The following POFUT2 variants were observed in gnomAD, a reference collection of about 807,000 sequenced individuals.
The protein encoded by POFUT2 is GDP-fucose protein O-fucosyltransferase 2.
A neutral mutation model predicts 55.0 loss-of-function variants in POFUT2; 30 were observed. That is an observed-to-expected ratio of 0.55 (90% CI 0.41 to 0.74). The LOEUF (loss-of-function observed/expected upper bound fraction) is 0.74. Among genes scored for constraint, POFUT2 ranks in the 30% least tolerant of loss-of-function variants. The probability of loss-of-function intolerance (pLI) is 0.00; values close to 1 mark genes in which losing one functional copy is unlikely to be tolerated. For missense variants in POFUT2, 524 were observed against 562.6 expected, an observed-to-expected ratio of 0.93 and a Z score of 0.69; for synonymous variants, 267 against 231.1, an observed-to-expected ratio of 1.16 and a Z score of -1.41.
At chr21:45,269,781 T>C in intron 7 of POFUT2, 58 bp downstream of exon 7, 1 of 1,499,318 alleles carries the variant, frequency 6.7e-7, no homozygotes, top group Non-Finnish European at 9.1e-7. Context: ...CCAAGAATTA[T>C]CAATAAAAAA....
intron 4 of POFUT2, among the ~76,000 whole-genome samples, chr21:45,279,637 G>A (rs2030351060): frequency 6.6e-6 from 1 of 152,176 alleles, no homozygotes; most frequent in African/African-American, 2.4e-5. Flanking sequence ...CACGGCCACT[G>A]CGGGGACTCT....
chr21:45,284,307 G>T lies in POFUT2; in HGVS notation c.383-780C>A, dbSNP rs1376363078. On this transcript the variant is annotated intron_variant, in intron 2 of 8. Coordinates refer to ENST00000349485, the MANE Select transcript of POFUT2 (RefSeq NM_133635.6). The surrounding 1 kb of genome is among the most constrained non-coding windows in gnomAD (Gnocchi z 5.8). ...TCCTTTTTGCTCACTCATGACTGGG[G>T]GCTAAGGGCTGCGTGGCCTAAGGGC... Among the ~76,000 whole-genome samples, 1 of 152,208 alleles carries T rather than the reference G, an allele frequency of 6.6e-6. No individual in the cohort carries two copies. The highest frequency in any genetic ancestry group is 1.5e-5 in the Non-Finnish European group (1 of 68,038).
chr21:45,266,749 G>A, intron 8 of POFUT2: 1 of 997,744 alleles, frequency 1.0e-6, no homozygotes, highest in South Asian at 4.4e-5. Flanking sequence ...TGTGTGAAGA[G>A]GCACCGGCTC....
chr21:45,266,999 G>A, intron 8 of POFUT2: 1 of 1,046,480 alleles, frequency 9.6e-7, no homozygotes, highest in South Asian at 3.2e-5. Context: ...TGCACGCAGG[G>A]CCCACGCTCC....
rs930607521 is a variant in POFUT2, at chr21:45,265,253, A to T, written c.*229T>A. The T allele has an allele frequency of 1.7e-5, 7 of 403,372 alleles. No homozygotes were observed. Among genetic ancestry groups the T allele is most frequent in the Admixed American group, 4.2e-5 (1 of 23,728 alleles). 25.0% of individuals were successfully genotyped at this position (403,372 alleles called of 1,614,324 possible). ...GGGTTCACAGACGCTGCCTGAAAAC[A>T]ACCGCCACCCCCGAGAGCAGCGGAG... On this transcript the variant is annotated 3_prime_UTR_variant, in exon 9 of 9. Coordinates refer to ENST00000349485, the MANE Select transcript of POFUT2 (RefSeq NM_133635.6). This position sits in a 1 kb window ranked among gnomAD's most constrained non-coding sequence, Gnocchi z 4.6.
Position 45,283,516 on chromosome 21 carries a change from G to T in POFUT2, c.394C>A (p.Pro132Thr), listed in dbSNP as rs762674365. 5 of 1,613,456 alleles carry T rather than the reference G, an allele frequency of 3.1e-6. No individual in the cohort carries two copies. The Admixed American group carries it at 5.0e-5, about 16-fold the overall frequency. ...AGGACGTAAACCTGGTCAATAAAGG[G>T]CCCACCAGATTCTGAAAGACACCAA... The part of the protein sequence containing the change: ...YEQFIAESGG[P>T]FIDQVYVLQS... The change falls in exon 3 of 9, where the codon CCC (proline) becomes ACC (threonine). Residue 132 changes from proline to threonine, a missense_variant. Physicochemically the swap from Pro to Thr is conservative, Grantham distance 38. Coordinates refer to ENST00000349485, the MANE Select transcript of POFUT2 (RefSeq NM_133635.6).
chr21:45,265,218 A>C lies in POFUT2; in HGVS notation c.*264T>G, dbSNP rs542432355. 1.1e-5 allele frequency: 4 copies of C among 363,114 alleles called. No homozygotes were observed. The highest frequency in any genetic ancestry group is 2.1e-5 in the African/African-American group (1 of 47,826). The allele number at this position is 363,114 out of a possible 1,614,324, so 22.5% of individuals were successfully genotyped here. ...GGTCACCACGCGGGCACTGCTGGCA[A>C]CCGAGCTGTGGGTTCACAGACGCTG... On this transcript the variant is annotated 3_prime_UTR_variant, in exon 9 of 9. Transcript: ENST00000349485. The surrounding 1 kb of genome is among the most constrained non-coding windows in gnomAD (Gnocchi z 4.6).
intron 4 of POFUT2, 128 bp from the exon 5 acceptor site, chr21:45,278,297 C>T: frequency 1.2e-6 from 1 of 808,544 alleles, no homozygotes; most frequent in Non-Finnish European, 2.1e-6. Flanking sequence ...GGGACACTAA[C>T]CAGGGCGCGT....
rs554652191 is a variant in POFUT2, at chr21:45,277,928, A to G, written c.705+175T>C. On this transcript the variant is annotated intron_variant, in intron 5 of 8. Transcript: ENST00000349485. The surrounding 1 kb of genome is among the most constrained non-coding windows in gnomAD (Gnocchi z 6.9). ...CGGGCTCCCGAGGACCTGGCTCTGC[A>G]GCCACGTGAGGCTTGGGGGTGGCAC... 1.3e-5 allele frequency among the ~76,000 whole-genome samples: 2 copies of G among 152,320 alleles called. No homozygotes were observed. Among genetic ancestry groups the G allele is most frequent in the South Asian group, 2.1e-4 (1 of 4,826 alleles).
rs1008227087 is a variant in POFUT2, at chr21:45,267,990, C to CTCTCCCTCTCCCCACGG, written c.1013-294_1013-278dup. Among the ~76,000 whole-genome samples, 1 of 151,900 alleles carries CTCTCCCTCTCCCCACGG rather than the reference C, an allele frequency of 6.6e-6. No homozygotes were observed. Among genetic ancestry groups the CTCTCCCTCTCCCCACGG allele is most frequent in the East Asian group, 1.9e-4 (1 of 5,186 alleles). On this transcript the variant is annotated intron_variant, in intron 7 of 8. Coordinates refer to ENST00000349485, the MANE Select transcript of POFUT2 (RefSeq NM_133635.6). The surrounding 1 kb of genome is among the most constrained non-coding windows in gnomAD (Gnocchi z 4.4). The stretch of plus-strand genomic sequence containing the variant: ...GTGCTCCCTCTCCCTCTCCTTCTCC[C>CTCTCCCTCTCCCCACGG]TCTCCCTCTCCCCACGGTCTCCCTC...
At position 45,282,755 on chromosome 21, in the gene POFUT2, C is replaced by A; in HGVS notation, c.528-296G>T. 1.9e-6 allele frequency: 1 copy of A among 531,620 alleles called. No homozygotes were observed. Among genetic ancestry groups the A allele is most frequent in the Non-Finnish European group, 3.7e-6 (1 of 270,312 alleles). 32.9% of individuals were successfully genotyped at this position (531,620 alleles called of 1,614,324 possible). A position where few individuals can be genotyped will look rare whatever the true frequency, so the allele number is the denominator to read the frequency against. The stretch of plus-strand genomic sequence containing the variant: ...AGCCCTGTGCACCTTCAGGGCCAGC[C>A]TGGCTGTGACCGTCAGCCAAGTCAA... On this transcript the variant is annotated intron_variant, in intron 3 of 8. Coordinates refer to ENST00000349485, the MANE Select transcript of POFUT2 (RefSeq NM_133635.6). The surrounding 1 kb of genome is among the most constrained non-coding windows in gnomAD (Gnocchi z 4.6).
At chr21:45,273,321 G>A (rs1443711726) in intron 6 of POFUT2, among the ~76,000 whole-genome samples, 1 of 152,150 alleles carries the variant, frequency 6.6e-6, no homozygotes, top group Non-Finnish European at 1.5e-5. Context: ...AACCCTTCTA[G>A]ATATAGACCA....
In POFUT2 at chr21:45,264,685, A is replaced by AG; in HGVS notation, c.*796dup. 1.4e-4 allele frequency: 1 copy of AG among 7,386 alleles called. No homozygotes were observed. The highest frequency in any genetic ancestry group is 3.9e-3 in the South Asian group (1 of 258). The allele number at this position is 7,386 out of a possible 1,614,324, so 0.5% of individuals were successfully genotyped here. A position where few individuals can be genotyped will look rare whatever the true frequency, so the allele number is the denominator to read the frequency against. ...GGGCGAGGGCGGGGCAGTCGGGGTG[A>AG]GGGTGGGGCGGGGCAGTCGGGGCGA... On this transcript the variant is annotated 3_prime_UTR_variant, in exon 9 of 9. Transcript: ENST00000349485.
chr21:45,265,274 C>G lies in POFUT2; in HGVS notation c.*208G>C. The G allele has an allele frequency of 7.0e-6, 3 of 428,172 alleles. No individual in the cohort carries two copies. Among genetic ancestry groups the G allele is most frequent in the Non-Finnish European group, 1.2e-5 (3 of 243,280 alleles). The allele number at this position is 428,172 out of a possible 1,614,324, so 26.5% of individuals were successfully genotyped here. A position where few individuals can be genotyped will look rare whatever the true frequency, so the allele number is the denominator to read the frequency against. Reference sequence around the variant, plus strand: ...AAACAACCGCCACCCCCGAGAGCAGCGGAGCCTCTTCATCAGCCATGGCGG... The same window carrying G: ...AAACAACCGCCACCCCCGAGAGCAGGGGAGCCTCTTCATCAGCCATGGCGG... On this transcript the variant is annotated 3_prime_UTR_variant, in exon 9 of 9. Coordinates refer to ENST00000349485, the MANE Select transcript of POFUT2 (RefSeq NM_133635.6). This position sits in a 1 kb window ranked among gnomAD's most constrained non-coding sequence, Gnocchi z 4.6.
chr21:45,283,438 C>T lies in POFUT2; in HGVS notation c.472G>A (p.Glu158Lys), dbSNP rs201092483. Residue 158 changes from glutamate to lysine, a missense_variant, in exon 3 of 9, where the codon GAG becomes AAG. Glu to Lys is a moderately conservative substitution (Grantham distance 56). Transcript: ENST00000349485. ...AGGAGCTGATCAATACACGGCCGCT[C>T]GTCCACCTTCTCTTCCCAGGTCCCT... ...KEGTWEEKVD[E>K]RPCIDQLLYS... is the part of the protein sequence containing the mutation. 12 of 1,613,524 alleles carry T rather than the reference C, an allele frequency of 7.4e-6. No homozygotes were observed. The highest frequency in any genetic ancestry group is 5.0e-5 in the Admixed American group (3 of 59,984).
rs549787198 is a variant in POFUT2, at chr21:45,266,817, C to T, written c.1136+773G>A. On this transcript the variant is annotated intron_variant, in intron 8 of 8. Transcript: ENST00000349485. ...ACAGACTAACCCACAGAGACGCACG[C>T]GTGTGCACAGTGCTAACCACGGGGA... is the stretch of plus-strand genomic sequence containing the variant. 9.0e-6 allele frequency: 9 copies of T among 1,004,492 alleles called. No homozygotes were observed. In the South Asian group the frequency reaches 1.3e-4, roughly 14 times the overall value. The allele number at this position is 1,004,492 out of a possible 1,614,324, so 62.2% of individuals were successfully genotyped here.
rs775664336 is a variant in POFUT2, at chr21:45,282,782, C to T, written c.528-323G>A. ...GGCTGTGACCGTCAGCCAAGTCAAC[C>T]GCGCCCTTCCCAAGAGCTCACCTGC... On this transcript the variant is annotated intron_variant, in intron 3 of 8. Coordinates refer to ENST00000349485, the MANE Select transcript of POFUT2 (RefSeq NM_133635.6). The surrounding 1 kb of genome is among the most constrained non-coding windows in gnomAD (Gnocchi z 4.6). 10 of 508,000 alleles carry T rather than the reference C, an allele frequency of 2.0e-5. No homozygotes were observed. The highest frequency in any genetic ancestry group is 1.2e-4 in the East Asian group (2 of 17,322). 31.5% of individuals were successfully genotyped at this position (508,000 alleles called of 1,614,324 possible). A position where few individuals can be genotyped will look rare whatever the true frequency, so the allele number is the denominator to read the frequency against.
At chr21:45,266,044 T>G (rs1177274367) in intron 8 of POFUT2, 1 of 1,225,954 alleles carries the variant, frequency 8.2e-7, no homozygotes, top group Admixed American at 2.7e-5. Context: ...AGCCAGGGCA[T>G]GGCGGGTCCT....
In POFUT2 at chr21:45,277,293, ATCC is replaced by A; in HGVS notation, c.706-154_706-152del. ...CCACGGTCGCCTGAGAAGCAGCGCC[ATCC>A]ACGGTGGAGGCTCTTGGAGGGTCTC... On this transcript the variant is annotated intron_variant, in intron 5 of 8. Coordinates refer to ENST00000349485, the MANE Select transcript of POFUT2 (RefSeq NM_133635.6). The surrounding 1 kb of genome is among the most constrained non-coding windows in gnomAD (Gnocchi z 6.9). 9.6e-7 allele frequency: 1 copy of A among 1,046,068 alleles called. No homozygotes were observed. Among genetic ancestry groups the A allele is most frequent in the Admixed American group, 2.7e-5 (1 of 37,568 alleles). 64.8% of individuals were successfully genotyped at this position (1,046,068 alleles called of 1,614,324 possible).
Sources: allele counts gnomAD v4.1 joint callset (sites outside exome capture counted in the v4.1 genomes callset), GRCh38; gene constraint gnomAD v4.1.1; non-coding constraint Gnocchi (gnomAD v3.1); transcripts MANE v1.5; gene names NCBI Gene and HGNC (gene_info 2026-07-23, HGNC 2026-07-21).